MYO3B: variants seen among roughly 807,000 people sequenced by gnomAD.
MYO3B encodes myosin-IIIb.
MYO3B carries 156 observed loss-of-function variants against 174.6 expected under a neutral mutation model. That is an observed-to-expected ratio of 0.89 (90% CI 0.78 to 1.02). The LOEUF (loss-of-function observed/expected upper bound fraction) is 1.02. Among genes scored for constraint, MYO3B ranks in the 50% least tolerant of loss-of-function variants. MYO3B has a pLI of 0.00. For missense variants in MYO3B, 1,632 were observed against 1,639.4 expected (o/e 1.00, Z 0.08); for synonymous variants, 563 against 569.1 (o/e 0.99, Z 0.15).
intron 8 of MYO3B, among the ~76,000 whole-genome samples, chr2:170,361,413 G>A (rs2094160086): frequency 6.6e-6 from 1 of 152,204 alleles, no homozygotes; most frequent in Admixed American, 6.5e-5. Flanking sequence ...CAGGAGGAGG[G>A]AGAAGGTGAT....
chr2:170,533,214 A>G (rs898453606), intron 30 of MYO3B, among the ~76,000 whole-genome samples: 6 of 152,008 alleles, frequency 3.9e-5, no homozygotes, highest in Admixed American at 1.3e-4. Flanking sequence ...ACTGCACACA[A>G]TCTTGTTTAG....
intron 8 of MYO3B, among the ~76,000 whole-genome samples, chr2:170,346,715 G>A (rs1030801251): frequency 1.3e-5 from 2 of 152,106 alleles, no homozygotes; most frequent in Non-Finnish European, 1.5e-5. Flanking sequence ...AGGACTTCAG[G>A]AACTAAATAT....
At chr2:170,602,799 A>G (rs771089677) in intron 32 of MYO3B, among the ~76,000 whole-genome samples, 8 of 152,148 alleles carry the variant, frequency 5.3e-5, no homozygotes, top group Non-Finnish European at 8.8e-5. Flanking sequence ...AGGCGCAGTG[A>G]CTCACACCTG....
At chr2:170,584,398 A>G (rs1195064151) in intron 32 of MYO3B, among the ~76,000 whole-genome samples, 1 of 152,190 alleles carries the variant, frequency 6.6e-6, no homozygotes, top group Middle Eastern at 3.2e-3. Flanking sequence ...CACACTATCA[A>G]CTGGTTGATT....
intron 23 of MYO3B, among the ~76,000 whole-genome samples, chr2:170,457,488 T>C (rs1000832832): frequency 3.9e-5 from 6 of 152,164 alleles, no homozygotes; most frequent in Non-Finnish European, 8.8e-5. Context: ...TTTTTACTTT[T>C]ATTTTTAAAA....
intron 3 of MYO3B, among the ~76,000 whole-genome samples, chr2:170,212,362 T>C (rs909657405): frequency 1.3e-5 from 2 of 152,194 alleles, no homozygotes; most frequent in African/African-American, 2.4e-5. Flanking sequence ...CCAGCCGACA[T>C]TCCTGACCTC....
intron 7 of MYO3B, among the ~76,000 whole-genome samples, chr2:170,254,361 T>C (rs2093284667): frequency 6.6e-6 from 1 of 152,052 alleles, no homozygotes; most frequent in Non-Finnish European, 1.5e-5. Context: ...CTCTCCATCT[T>C]ACTCTGAATG....
chr2:170,566,388 A>G (rs1223432018), intron 32 of MYO3B, among the ~76,000 whole-genome samples: 5 of 152,184 alleles, frequency 3.3e-5, no homozygotes, highest in African/African-American at 4.8e-5. Context: ...TGTTGATTGT[A>G]ATGCTTGAGT....
chr2:170,186,691 G>A (rs2092468752), intron 1 of MYO3B, among the ~76,000 whole-genome samples: 1 of 152,122 alleles, frequency 6.6e-6, no homozygotes, highest in Non-Finnish European at 1.5e-5. Flanking sequence ...AGCTTGAGTA[G>A]GATTGGCATT....
At position 170,499,323 on chromosome 2, in the gene MYO3B, A is replaced by G. The variant is rs189215901; in HGVS notation, c.3127-323A>G. 3.9e-5 allele frequency among the ~76,000 whole-genome samples: 6 copies of G among 152,286 alleles called. 1 individual carries two copies. The East Asian group carries it at 1.2e-3, about 29-fold the overall frequency. On this transcript the variant is annotated intron_variant, in intron 26 of 34. Coordinates refer to ENST00000408978, the MANE Select transcript of MYO3B (RefSeq NM_138995.5). ...AGTCCTCTTGGTTAGCACCTTTATC[A>G]GAGGCTATGGGGAAAGAGAGTAGAT...
At position 170,392,401 on chromosome 2, in the gene MYO3B, G is replaced by C; in HGVS notation, c.1697G>C (p.Gly566Ala). 6.3e-7 allele frequency: 1 copy of C among 1,599,368 alleles called. No individual in the cohort carries two copies. Among genetic ancestry groups the C allele is most frequent in the South Asian group, 1.1e-5 (1 of 87,880 alleles). The change falls in exon 16 of 35, where the codon GGA becomes GCA. Residue 566 changes from glycine to alanine, a missense_variant. By Grantham distance (60) the Gly-to-Ala change is moderately conservative. Transcript: ENST00000408978. Reference sequence around the variant, plus strand: ...TTTAGGTACATAGCTGATGAAACTGGAAGGGTGATGCACGACATAACTTCC... The same window carrying C: ...TTTAGGTACATAGCTGATGAAACTGCAAGGGTGATGCACGACATAACTTCC... The part of the protein sequence containing the change: ...KPPRYIADET[G>A]RVMHDITSKE...
intron 32 of MYO3B, among the ~76,000 whole-genome samples, chr2:170,592,672 AG>A (rs1332961040): frequency 1.3e-5 from 2 of 152,122 alleles, no homozygotes; most frequent in African/African-American, 4.8e-5. Flanking sequence ...AAGGTTCATG[AG>A]GGCAGGGCAG....
Position 170,499,688 on chromosome 2 carries a change from C to T in MYO3B, c.3169C>T (p.Leu1057Phe). 2 of 1,614,084 alleles carry T rather than the reference C, an allele frequency of 1.2e-6. No individual in the cohort carries two copies. Among genetic ancestry groups the T allele is most frequent in the Non-Finnish European group, 1.7e-6 (2 of 1,179,982 alleles). Residue 1057 changes from leucine (L) to phenylalanine (F), a missense_variant, in exon 27 of 35, where the codon CTT becomes TTT. Leu to Phe is a conservative substitution (Grantham distance 22). Coordinates refer to ENST00000408978, the MANE Select transcript of MYO3B (RefSeq NM_138995.5). ...CCATGTTGAGCAATTAAATTTGCTGCTTCGAGAAGTCATAGGCAGAGTGGT... is the reference window on the plus strand; with the variant it reads ...CCATGTTGAGCAATTAAATTTGCTGTTTCGAGAAGTCATAGGCAGAGTGGT... ...YYHVEQLNLL[L>F]REVIGRVVVL...
intron 32 of MYO3B, among the ~76,000 whole-genome samples, chr2:170,643,034 GA>G (rs397726002): frequency 6.2e-4 from 87 of 139,240 alleles, no homozygotes; most frequent in Middle Eastern, 3.7e-3. Context: ...AAAGAGATTT[GA>G]AAAAAAAAAA....
chr2:170,274,847 A>G (rs2093452571), intron 7 of MYO3B, among the ~76,000 whole-genome samples: 1 of 152,176 alleles, frequency 6.6e-6, no homozygotes, highest in Admixed American at 6.5e-5. Flanking sequence ...CAACACATTA[A>G]TTTCCTAATC....
chr2:170,317,796 T>A (rs2093786511), intron 7 of MYO3B, among the ~76,000 whole-genome samples: 1 of 152,230 alleles, frequency 6.6e-6, no homozygotes, highest in Non-Finnish European at 1.5e-5. Flanking sequence ...ATCAGAGAAG[T>A]GTGAGAAACA....
At chr2:170,594,841 A>G (rs1252757987) in intron 32 of MYO3B, among the ~76,000 whole-genome samples, 1 of 132,452 alleles carries the variant, frequency 7.5e-6, no homozygotes, top group Non-Finnish European at 1.5e-5. Flanking sequence ...ACACACACAC[A>G]CACACACACA....
At chr2:170,400,427 A>G (rs1049367894) in intron 17 of MYO3B, 113 bp downstream of exon 17, 4 of 1,188,786 alleles carry the variant, frequency 3.4e-6, no homozygotes, top group Non-Finnish European at 1.1e-6. Context: ...TTTTATCGAG[A>G]TGGAGTCTCA....
chr2:170,584,313 T>G (rs147207681), intron 32 of MYO3B, among the ~76,000 whole-genome samples: 2 of 152,348 alleles, frequency 1.3e-5, no homozygotes, highest in African/African-American at 4.8e-5. Flanking sequence ...TTTAATTTTT[T>G]TTTTCTTTTT....
Sources: allele counts gnomAD v4.1 joint callset (sites outside exome capture counted in the v4.1 genomes callset), GRCh38; gene constraint gnomAD v4.1.1; transcripts MANE v1.5; gene names NCBI Gene and HGNC (gene_info 2026-07-23, HGNC 2026-07-21).